The following TRPM7 variants were observed in gnomAD, a reference collection of about 807,000 sequenced individuals.
TRPM7 encodes LTRPC ion channel family member 7.
In TRPM7, 134 loss-of-function variants were observed where a neutral mutation model predicts 229.7. That is an observed-to-expected ratio of 0.58 (90% confidence interval 0.51 to 0.67). The LOEUF (loss-of-function observed/expected upper bound fraction) is 0.67. TRPM7 is among the 30% of genes least tolerant of loss of function. The pLI is 0.00. For synonymous variants in TRPM7, 699 were observed against 715.2 expected (o/e 0.98, Z 0.36); for missense variants, 1,901 against 2,210.0 (o/e 0.86, Z 2.80).
intron 3 of TRPM7, among the ~76,000 whole-genome samples, chr15:50,650,370 A>G (rs2061389675): frequency 6.6e-6 from 1 of 152,000 alleles, no homozygotes; most frequent in Non-Finnish European, 1.5e-5. Context: ...GGGTCCTCAA[A>G]AAAAGTATCA....
chr15:50,569,140 T>C (rs1373927871), intron 38 of TRPM7, among the ~76,000 whole-genome samples: 9 of 152,140 alleles, frequency 5.9e-5, no homozygotes, highest in Non-Finnish European at 1.3e-4. Flanking sequence ...GCTCAAGCGA[T>C]CCTCTGGTAT....
At chr15:50,659,887 C>T (rs1181499655) in intron 2 of TRPM7, among the ~76,000 whole-genome samples, 5 of 152,198 alleles carry the variant, frequency 3.3e-5, no homozygotes, top group Admixed American at 1.3e-4. Flanking sequence ...AGGCTGGTCT[C>T]GAACTCCTGA....
At chr15:50,623,953 C>T (rs1023733271) in intron 12 of TRPM7, among the ~76,000 whole-genome samples, 1 of 151,894 alleles carries the variant, frequency 6.6e-6, no homozygotes, top group Non-Finnish European at 1.5e-5. Context: ...CTTAATAGCC[C>T]TATGTGGTTA....
intron 26 of TRPM7, 57 bp downstream of exon 26, chr15:50,591,854 T>C (rs2059504163): frequency 1.6e-6 from 2 of 1,248,374 alleles, no homozygotes; most frequent in East Asian, 2.4e-5. Context: ...ATTTCTATTA[T>C]TTCTAAGGTG....
rs1279998181 is a variant in TRPM7 at position 50,592,012 on chromosome 15, T to C, written c.4223A>G (p.Gln1408Arg). ...TTCCAAGTGGCTTTTGCAACTTGGC[T>C]GAGATGGTGTACTAACAAAAAATTT... ...PTKFFVSTPS[Q>R]PSCKSHLETG... Residue 1408 changes from glutamine to arginine, a missense_variant, in exon 26 of 39, where the codon CAG becomes CGG. Physicochemically the swap from Gln to Arg is conservative, Grantham distance 43. Around this residue, in one of 8 missense-constraint regions of TRPM7, gnomAD observed 533 missense variants for 497.1 expected, o/e 1.07. Coordinates refer to ENST00000646667, the MANE Select transcript of TRPM7 (RefSeq NM_017672.6). 9.9e-6 allele frequency: 16 copies of C among 1,613,040 alleles called. No individual in the cohort carries two copies. The African/African-American group carries it at 2.0e-4, about 20-fold the overall frequency.
intron 1 of TRPM7, among the ~76,000 whole-genome samples, chr15:50,678,386 A>G (rs1299463334): frequency 6.6e-6 from 1 of 151,724 alleles, no homozygotes; most frequent in Non-Finnish European, 1.5e-5. Context: ...ACAATGACAA[A>G]TAAGACTAGC....
intron 19 of TRPM7, among the ~76,000 whole-genome samples, chr15:50,608,052 C>CA (rs570861548): frequency 0.4 from 30,154 of 75,862 alleles, 5,455 homozygotes; most frequent in East Asian, 0.56. Flanking sequence ...GAGACTCTGT[C>CA]AAAAAAAAAA....
chr15:50,673,372 G>A (rs1484232032), intron 1 of TRPM7, among the ~76,000 whole-genome samples: 1 of 152,020 alleles, frequency 6.6e-6, no homozygotes, highest in Non-Finnish European at 1.5e-5. Flanking sequence ...CCCATTGCCC[G>A]ACCGGTACAC....
intron 24 of TRPM7, 88 bp downstream of exon 24, chr15:50,594,341 C>T: frequency 8.1e-7 from 1 of 1,241,416 alleles, no homozygotes; most frequent in Admixed American, 2.4e-5. Context: ...TCCACTAAGT[C>T]ATTTTTGAAT....
At chr15:50,594,730 G>T in intron 23 of TRPM7, 117 bp from the exon 24 acceptor site, 1 of 711,912 alleles carries the variant, frequency 1.4e-6, no homozygotes, top group Non-Finnish European at 2.1e-6. Flanking sequence ...ATATCCTTCT[G>T]TAAACAAAAC....
At chr15:50,589,340 A>AG (rs1334077739) in intron 27 of TRPM7, among the ~76,000 whole-genome samples, 1 of 151,450 alleles carries the variant, frequency 6.6e-6, no homozygotes, top group Non-Finnish European at 1.5e-5. Flanking sequence ...AAAAAAAAAA[A>AG]AGAGAGAAAT....
chr15:50,600,518 T>C (rs2059750848), intron 21 of TRPM7, among the ~76,000 whole-genome samples: 1 of 151,256 alleles, frequency 6.6e-6, no homozygotes, highest in Non-Finnish European at 1.5e-5. Context: ...CATTCATAAA[T>C]AATCATCTAG....
chr15:50,599,218 A>G lies in TRPM7; in HGVS notation c.3067T>C (p.Tyr1023His), dbSNP rs767989961. The G allele has an allele frequency of 1.9e-6, 3 of 1,613,142 alleles. No individual in the cohort carries two copies. Among genetic ancestry groups the G allele is most frequent in the Middle Eastern group, 1.7e-4 (1 of 6,054 alleles). The part of the protein sequence containing the change: ...SFGVPRKAIL[Y>H]PHEAPSWTLA... ...GTCCAAGATGGTGCTTCATGAGGAT[A>G]AAGTATTGCCTTTCTGGGAACACCA... The change falls in exon 22 of 39, where the codon TAT becomes CAT. Residue 1023 changes from tyrosine (Y) to histidine (H), a missense_variant. This residue lies in a region of TRPM7 where 89 missense variants were observed against 178.2 expected (regional missense o/e 0.50). Coordinates refer to ENST00000646667, the MANE Select transcript of TRPM7 (RefSeq NM_017672.6).
At chr15:50,567,063 C>A (rs1202292327) in intron 38 of TRPM7, among the ~76,000 whole-genome samples, 1 of 151,854 alleles carries the variant, frequency 6.6e-6, no homozygotes, top group Non-Finnish European at 1.5e-5. Flanking sequence ...TGGACCAATT[C>A]CTTAAAAGAC....
At chr15:50,653,220 G>A (rs1321633765) in intron 3 of TRPM7, among the ~76,000 whole-genome samples, 3 of 152,172 alleles carry the variant, frequency 2.0e-5, no homozygotes, top group African/African-American at 4.8e-5. Context: ...GGAGGCATAA[G>A]TGGGAGCATA....
At chr15:50,659,068 C>A (rs1020403074) in intron 2 of TRPM7, among the ~76,000 whole-genome samples, 2 of 151,908 alleles carry the variant, frequency 1.3e-5, no homozygotes, top group Admixed American at 1.3e-4. Context: ...TGTGGTGGCA[C>A]ACGCCTGTAA....
At chr15:50,677,942 T>C (rs1395313083) in intron 1 of TRPM7, among the ~76,000 whole-genome samples, 2 of 151,482 alleles carry the variant, frequency 1.3e-5, no homozygotes, top group African/African-American at 2.4e-5. Flanking sequence ...TAAATGACAC[T>C]AAAGACCTAG....
At chr15:50,677,033 A>G (rs1330730286) in intron 1 of TRPM7, among the ~76,000 whole-genome samples, 1 of 152,218 alleles carries the variant, frequency 6.6e-6, no homozygotes, top group African/African-American at 2.4e-5. Flanking sequence ...CAACTGTCTT[A>G]GTCGGCTTGG....
intron 1 of TRPM7, among the ~76,000 whole-genome samples, chr15:50,670,390 C>T (rs1183211908): frequency 1.3e-5 from 2 of 151,974 alleles, no homozygotes; most frequent in African/African-American, 2.4e-5. Flanking sequence ...AAGATATAGG[C>T]CATAAAGACT....
Sources: gnomAD v4.1 joint callset for allele counts (sites outside exome capture counted in the v4.1 genomes callset) on GRCh38, gnomAD v4.1.1 for gene constraint, gnomAD v4.1.1 regional missense constraint, MANE v1.5 for transcripts, NCBI Gene and HGNC (gene_info 2026-07-23, HGNC 2026-07-21) for gene names.